GALNT18: variants seen among roughly 807,000 people sequenced by gnomAD.
The protein encoded by GALNT18 is polypeptide N-acetylgalactosaminyltransferase 18.
A neutral mutation model predicts 69.5 loss-of-function variants in GALNT18; 44 were observed. That is an observed-to-expected ratio of 0.63 (90% CI 0.50 to 0.81). The LOEUF (loss-of-function observed/expected upper bound fraction) is 0.81. Ranked by LOEUF, GALNT18 falls within the 40% of genes least tolerant of loss-of-function variation. GALNT18 has a pLI of 0.00. For synonymous variants in GALNT18, 364 were observed against 318.2 expected (o/e 1.14, Z -1.53); for missense variants, 715 against 810.0 (o/e 0.88, Z 1.42).
intron 1 of GALNT18, among the ~76,000 whole-genome samples, chr11:11,514,055 A>G (rs1276377434): frequency 2.0e-5 from 3 of 152,230 alleles, no homozygotes; most frequent in African/African-American, 7.2e-5. Context: ...TTGTGATTAC[A>G]GAGGAGGAGG....
intron 1 of GALNT18, among the ~76,000 whole-genome samples, chr11:11,559,481 T>C (rs1858412978): frequency 6.6e-6 from 1 of 152,200 alleles, no homozygotes; most frequent in African/African-American, 2.4e-5. Flanking sequence ...CCTGACACCA[T>C]CTACAATCTC....
chr11:11,384,846 A>G (rs917167525), intron 3 of GALNT18, among the ~76,000 whole-genome samples: 1 of 152,230 alleles, frequency 6.6e-6, no homozygotes, highest in African/African-American at 2.4e-5. Flanking sequence ...ACTAAGACAC[A>G]ACCCTTATGG....
chr11:11,314,916 G>T lies in GALNT18; in HGVS notation c.1512+12170C>A, dbSNP rs1048994718. On this transcript the variant is annotated intron_variant, in intron 9 of 10. Transcript: ENST00000227756. This position sits in a 1 kb window ranked among gnomAD's most constrained non-coding sequence, Gnocchi z 5.2. ...TGGCCTACACACTCAACTATTGGTG[G>T]TGGGGCCTAGGGATATCTTTACATG... Among the ~76,000 whole-genome samples, 14 of 152,192 alleles carry T rather than the reference G, an allele frequency of 9.2e-5. No individual in the cohort carries two copies. The highest frequency in any genetic ancestry group is 3.4e-4 in the African/African-American group (14 of 41,432).
At chr11:11,306,223 A>ATGTGTG (rs1849575825) in intron 9 of GALNT18, among the ~76,000 whole-genome samples, 1 of 137,636 alleles carries the variant, frequency 7.3e-6, no homozygotes, top group Non-Finnish European at 1.7e-5. Flanking sequence ...CTGTGTGTGC[A>ATGTGTG]TGTGTGTGTG....
At chr11:11,446,756 C>A (rs985954045) in intron 2 of GALNT18, among the ~76,000 whole-genome samples, 1 of 152,220 alleles carries the variant, frequency 6.6e-6, no homozygotes, top group African/African-American at 2.4e-5. Context: ...GCCACAGGCA[C>A]CTTTGCAAGT....
Position 11,598,922 on chromosome 11 carries a change from C to T in GALNT18, c.235+22437G>A, listed in dbSNP as rs1201050403. ...TTTCCTGCTGTTATTGGTTCAATTA[C>T]ATTTCACGTGGCCAGAGAATGTACT... On this transcript the variant is annotated intron_variant, in intron 1 of 10. Transcript: ENST00000227756. This position sits in a 1 kb window ranked among gnomAD's most constrained non-coding sequence, Gnocchi z 4.8. 6.6e-6 allele frequency among the ~76,000 whole-genome samples: 1 copy of T among 151,810 alleles called. No homozygotes were observed. Among genetic ancestry groups the T allele is most frequent in the Non-Finnish European group, 1.5e-5 (1 of 67,938 alleles).
In GALNT18 at chr11:11,340,497, G is replaced by A. The variant is rs544059394; in HGVS notation, c.1278+322C>T. 1.3e-5 allele frequency among the ~76,000 whole-genome samples: 2 copies of A among 152,314 alleles called. No individual in the cohort carries two copies. Among genetic ancestry groups the A allele is most frequent in the East Asian group, 3.9e-4 (2 of 5,188 alleles). ...AATCCAGGACCATGAAACATCTAAT[G>A]TCAGAGAAGCTGAGGACCTGGGAGC... On this transcript the variant is annotated intron_variant, in intron 7 of 10. Transcript: ENST00000227756. This position sits in a 1 kb window ranked among gnomAD's most constrained non-coding sequence, Gnocchi z 4.2.
chr11:11,345,769 G>C (rs1850291553), intron 6 of GALNT18, among the ~76,000 whole-genome samples: 1 of 152,110 alleles, frequency 6.6e-6, no homozygotes, highest in Non-Finnish European at 1.5e-5. Flanking sequence ...GGGTACCAAA[G>C]GGGTGCCTGA....
intron 3 of GALNT18, among the ~76,000 whole-genome samples, chr11:11,398,585 C>A (rs1196101513): frequency 6.6e-6 from 1 of 152,214 alleles, no homozygotes; most frequent in Non-Finnish European, 1.5e-5. Flanking sequence ...ATTAACTACT[C>A]TGCTAAAAAT....
At chr11:11,331,079 G>A (rs1850010287) in intron 8 of GALNT18, among the ~76,000 whole-genome samples, 1 of 152,200 alleles carries the variant, frequency 6.6e-6, no homozygotes, top group Non-Finnish European at 1.5e-5. Context: ...GGGCATCAAA[G>A]GCAGCTGTGT....
At chr11:11,569,915 GAA>G (rs1858745718) in intron 1 of GALNT18, among the ~76,000 whole-genome samples, 1 of 152,156 alleles carries the variant, frequency 6.6e-6, no homozygotes, top group South Asian at 2.1e-4. Context: ...TCAGGAAAGA[GAA>G]GAACTTTGGT....
intron 10 of GALNT18, among the ~76,000 whole-genome samples, chr11:11,272,150 A>C (rs1050317001): frequency 7.2e-5 from 11 of 152,182 alleles, no homozygotes; most frequent in Non-Finnish European, 4.4e-5. Flanking sequence ...GTATATGGTC[A>C]AACTCACTTT....
chr11:11,271,141 G>A lies in GALNT18; in HGVS notation c.*3C>T, dbSNP rs202205500. On this transcript the variant is annotated 3_prime_UTR_variant, in exon 11 of 11. Transcript: ENST00000227756. ...AGAGGCAGCCGGAAGTGGCCCCGGTGGGTCAGGACGCGAGGCTCCTCAGGA... is the reference window on the plus strand; with the variant it reads ...AGAGGCAGCCGGAAGTGGCCCCGGTAGGTCAGGACGCGAGGCTCCTCAGGA... 1.9e-6 allele frequency: 3 copies of A among 1,606,652 alleles called. No individual in the cohort carries two copies. The highest frequency in any genetic ancestry group is 3.3e-5 in the Admixed American group (2 of 59,924).
chr11:11,348,149 A>G (rs1850334889), intron 6 of GALNT18, among the ~76,000 whole-genome samples: 1 of 152,102 alleles, frequency 6.6e-6, no homozygotes, highest in Admixed American at 6.6e-5. Flanking sequence ...AGGCTGAGGC[A>G]GGTGGATTAC....
intron 1 of GALNT18, among the ~76,000 whole-genome samples, chr11:11,567,576 T>C (rs1433880991): frequency 6.6e-6 from 1 of 152,188 alleles, no homozygotes; most frequent in African/African-American, 2.4e-5. Context: ...GCATTGTTCG[T>C]CAGCGGTGCT....
In GALNT18 at chr11:11,615,851, G is replaced by A. The variant is rs76371361; in HGVS notation, c.235+5508C>T. Among the ~76,000 whole-genome samples the A allele has an allele frequency of 6.9e-3, 1,050 of 152,158 alleles. 12 individuals are homozygous for A. The highest frequency in any genetic ancestry group is 0.024 in the African/African-American group (1,009 of 41,498). ...CCTTCTACAAGTTTAGGTCTCCTGGGTACACAGTTTGAAAACCACTGCCCT... is the reference window on the plus strand; with the variant it reads ...CCTTCTACAAGTTTAGGTCTCCTGGATACACAGTTTGAAAACCACTGCCCT... On this transcript the variant is annotated intron_variant, in intron 1 of 10. Coordinates refer to ENST00000227756, the MANE Select transcript of GALNT18 (RefSeq NM_198516.3).
At chr11:11,503,258 CA>C (rs940410299) in intron 1 of GALNT18, among the ~76,000 whole-genome samples, 1 of 152,192 alleles carries the variant, frequency 6.6e-6, no homozygotes, top group African/African-American at 2.4e-5. Flanking sequence ...AGCTTTCCCA[CA>C]CTTATTAGCT....
intron 1 of GALNT18, among the ~76,000 whole-genome samples, chr11:11,560,782 T>C (rs1315506268): frequency 6.6e-6 from 1 of 152,200 alleles, no homozygotes; most frequent in Non-Finnish European, 1.5e-5. Context: ...CAGACCCCAC[T>C]GGGCCTCCAG....
At chr11:11,364,554 G>T (rs1386429) in intron 6 of GALNT18, among the ~76,000 whole-genome samples, 7,984 of 141,482 alleles carry the variant, frequency 0.056, 678 homozygotes, top group African/African-American at 0.18. Flanking sequence ...ATTACAAGAG[G>T]GGGGGAAAAA....
Sources: gnomAD v4.1 joint callset for allele counts (sites outside exome capture counted in the v4.1 genomes callset) on GRCh38, gnomAD v4.1.1 for gene constraint, Gnocchi (gnomAD v3.1) non-coding constraint, MANE v1.5 for transcripts, NCBI Gene and HGNC (gene_info 2026-07-23, HGNC 2026-07-21) for gene names.